The following LRP1B variants were observed in gnomAD, a reference collection of about 807,000 sequenced individuals.
LRP1B encodes LDL receptor related protein 1B, also known as low-density lipoprotein receptor-related protein 1B.
A neutral mutation model predicts 556.6 loss-of-function variants in LRP1B; 217 were observed. The ratio of observed to expected loss-of-function variants is 0.39; its 90% CI spans 0.35 to 0.44. The LOEUF is 0.44. Among genes scored for constraint, LRP1B ranks in the 20% least tolerant of loss-of-function variants. The probability of loss-of-function intolerance (pLI) is 1.00; values close to 1 mark genes in which losing one functional copy is unlikely to be tolerated. For synonymous variants in LRP1B, 2,047 were observed against 1,865.8 expected (o/e 1.10, Z -2.50); for missense variants, 5,053 against 5,620.8 (o/e 0.90, Z 3.23).
intron 2 of LRP1B, among the ~76,000 whole-genome samples, chr2:141,538,377 G>A (rs1438109608): frequency 1.3e-5 from 2 of 152,002 alleles, no homozygotes; most frequent in African/African-American, 4.8e-5. Flanking sequence ...AGAATACGAT[G>A]GTAAAGTGCA....
chr2:140,519,420 G>A (rs998387164), intron 49 of LRP1B, among the ~76,000 whole-genome samples: 36 of 152,322 alleles, frequency 2.4e-4, no homozygotes, highest in African/African-American at 8.7e-4. Flanking sequence ...GTGGAAAGCT[G>A]AAACTGGATC....
chr2:140,856,406 G>A (rs1692619009), intron 27 of LRP1B, among the ~76,000 whole-genome samples: 1 of 152,142 alleles, frequency 6.6e-6, no homozygotes, highest in Non-Finnish European at 1.5e-5. Flanking sequence ...TTTATTGCTT[G>A]CTGTCCTATT....
intron 83 of LRP1B, among the ~76,000 whole-genome samples, chr2:140,314,641 T>C (rs895537401): frequency 6.6e-6 from 1 of 152,090 alleles, no homozygotes; most frequent in Non-Finnish European, 1.5e-5. Context: ...TCAAACATAG[T>C]AAGCTTGGAA....
chr2:140,748,591 GTATATATATATATA>G (rs70988428), intron 35 of LRP1B, among the ~76,000 whole-genome samples: 9 of 73,330 alleles, frequency 1.2e-4, no homozygotes, highest in South Asian at 5.4e-4. Flanking sequence ...TATACAGTGT[GTATATATATATATA>G]TATATATATA....
At chr2:141,126,626 T>C (rs1477074639) in intron 7 of LRP1B, among the ~76,000 whole-genome samples, 3 of 152,158 alleles carry the variant, frequency 2.0e-5, no homozygotes, top group Non-Finnish European at 4.4e-5. Context: ...TGAAGACACT[T>C]TTTCAACACA....
chr2:140,844,555 T>C (rs961611957), intron 29 of LRP1B, among the ~76,000 whole-genome samples: 2 of 152,110 alleles, frequency 1.3e-5, no homozygotes, highest in African/African-American at 2.4e-5. Flanking sequence ...AAAATCGTTA[T>C]ATATTTAATA....
chr2:140,467,632 A>C (rs1345629334), intron 60 of LRP1B, among the ~76,000 whole-genome samples: 2 of 150,286 alleles, frequency 1.3e-5, no homozygotes, highest in East Asian at 1.9e-4. Flanking sequence ...AAAAAAAAAA[A>C]AGTCTTAAAA....
chr2:141,395,434 A>G (rs1211720277), intron 3 of LRP1B, among the ~76,000 whole-genome samples: 2 of 152,170 alleles, frequency 1.3e-5, no homozygotes, highest in Admixed American at 6.6e-5. Flanking sequence ...TATAGCCTAC[A>G]GCAATAAGTT....
chr2:140,992,986 T>A, intron 16 of LRP1B, among the ~76,000 whole-genome samples: 2 of 152,170 alleles, frequency 1.3e-5, no homozygotes, highest in Middle Eastern at 3.4e-3. Flanking sequence ...AATATACAAT[T>A]TGAAAATATT....
At chr2:140,882,115 A>G (rs752043303) in intron 25 of LRP1B, among the ~76,000 whole-genome samples, 8 of 152,168 alleles carry the variant, frequency 5.3e-5, no homozygotes, top group African/African-American at 9.7e-5. Flanking sequence ...TAGGACTACA[A>G]TCTTTTCCAA....
chr2:141,195,285 A>C (rs1681704765), intron 6 of LRP1B, among the ~76,000 whole-genome samples: 1 of 152,072 alleles, frequency 6.6e-6, no homozygotes, highest in Admixed American at 6.6e-5. Context: ...AGCAGCCACA[A>C]GAGTGAGCCT....
intron 1 of LRP1B, among the ~76,000 whole-genome samples, chr2:141,866,786 T>C (rs993657650): frequency 1.2e-4 from 17 of 144,912 alleles, no homozygotes; most frequent in African/African-American, 4.4e-4. Context: ...GGACAGGATA[T>C]GAGGTAAGAG....
At chr2:140,348,016 G>C (rs1016655974) in intron 77 of LRP1B, among the ~76,000 whole-genome samples, 1 of 151,974 alleles carries the variant, frequency 6.6e-6, no homozygotes, top group African/African-American at 2.4e-5. Flanking sequence ...ACAGATTTCA[G>C]AGGAATAAAC....
chr2:141,500,019 T>C (rs942102435), intron 2 of LRP1B, among the ~76,000 whole-genome samples: 1 of 152,100 alleles, frequency 6.6e-6, no homozygotes, highest in African/African-American at 2.4e-5. Flanking sequence ...AGGAACTATC[T>C]TCCTTCCCTT....
chr2:140,480,228 C>T (rs913623440), intron 59 of LRP1B, among the ~76,000 whole-genome samples: 2 of 152,144 alleles, frequency 1.3e-5, no homozygotes, highest in African/African-American at 4.8e-5. Context: ...AATATTTCTG[C>T]TCATCTTGGA....
chr2:142,035,854 C>A (rs1392667433), intron 1 of LRP1B, among the ~76,000 whole-genome samples: 1 of 151,664 alleles, frequency 6.6e-6, no homozygotes, highest in African/African-American at 2.4e-5. Flanking sequence ...ATGGGAGGAA[C>A]CCAGTGGGAG....
chr2:141,984,684 C>A (rs574486706), intron 1 of LRP1B, among the ~76,000 whole-genome samples: 8 of 152,004 alleles, frequency 5.3e-5, no homozygotes, highest in Admixed American at 1.3e-4. Flanking sequence ...TATAAAAATA[C>A]AAGTCTTAAA....
intron 43 of LRP1B, among the ~76,000 whole-genome samples, chr2:140,585,262 G>A (rs1681939809): frequency 6.6e-6 from 1 of 151,984 alleles, no homozygotes; most frequent in Admixed American, 6.6e-5. Flanking sequence ...ATCCTATGAG[G>A]CATAAACTAT....
chr2:141,005,769 T>C (rs1176677701), intron 14 of LRP1B, among the ~76,000 whole-genome samples: 1 of 151,984 alleles, frequency 6.6e-6, no homozygotes, highest in Non-Finnish European at 1.5e-5. Flanking sequence ...GCCTATTGTA[T>C]TCAAGTCTGA....
Sources: gnomAD v4.1 joint callset for allele counts (sites outside exome capture counted in the v4.1 genomes callset) on GRCh38, gnomAD v4.1.1 for gene constraint, MANE v1.5 for transcripts, NCBI Gene and HGNC (gene_info 2026-07-23, HGNC 2026-07-21) for gene names.